MED12L: variants seen among roughly 807,000 people sequenced by gnomAD.
MED12L encodes the protein mediator complex subunit 12L, also known as mediator of RNA polymerase II transcription subunit 12-like protein.
A neutral mutation model predicts 281.3 loss-of-function variants in MED12L; 60 were observed. The observed-to-expected ratio is 0.21, with a 90% CI of 0.17 to 0.26. MED12L has a LOEUF of 0.26. MED12L is among the 10% of genes least tolerant of loss of function. The probability of loss-of-function intolerance (pLI) is 1.00; values close to 1 mark genes in which losing one functional copy is unlikely to be tolerated. For missense variants in MED12L, 2,146 were observed against 2,680.9 expected (o/e 0.80, Z 4.41); for synonymous variants, 974 against 987.2 (o/e 0.99, Z 0.25).
intron 11 of MED12L, among the ~76,000 whole-genome samples, chr3:151,182,605 G>A (rs993453296): frequency 1.3e-5 from 2 of 152,108 alleles, no homozygotes; most frequent in African/African-American, 4.8e-5. Flanking sequence ...CAACACTGAG[G>A]CCCGAGGTGG....
chr3:151,248,619 G>A (rs570187403), intron 16 of MED12L, among the ~76,000 whole-genome samples: 3 of 151,986 alleles, frequency 2.0e-5, no homozygotes, highest in Non-Finnish European at 4.4e-5. Flanking sequence ...ATTTCCTAAT[G>A]CCTAATGTAC....
rs140782023 is a variant in MED12L at position 151,305,885 on chromosome 3, C to T, written c.2251-44174C>T. Among the ~76,000 whole-genome samples the T allele has an allele frequency of 3.0e-3, 464 of 152,218 alleles. 3 individuals carry two copies. Among genetic ancestry groups the T allele is most frequent in the African/African-American group, 0.011 (444 of 41,538 alleles). The stretch of plus-strand genomic sequence containing the variant: ...ACATCAGGAAATTTCACATAAGAAT[C>T]CAGATTTGGAACCCATTTTGAAAGA... On this transcript the variant is annotated intron_variant, in intron 16 of 44. Transcript: ENST00000687756.
intron 16 of MED12L, chr3:151,329,501 C>T (rs770903652): frequency 1.3e-6 from 2 of 1,547,656 alleles, no homozygotes; most frequent in Non-Finnish European, 8.7e-7. Context: ...ATACTCAGTT[C>T]TCTCTGTCTT....
intron 26 of MED12L, among the ~76,000 whole-genome samples, chr3:151,371,360 T>C (rs1356451003): frequency 1.3e-5 from 2 of 152,230 alleles, no homozygotes; most frequent in East Asian, 3.8e-4. Flanking sequence ...ATACTACATT[T>C]TGGTACTTGC....
rs1714729958 is a variant in MED12L, at chr3:151,394,699, C to T, written c.5652C>T (p.Asn1884=). Residue 1884 remains asparagine (N), a synonymous_variant, in exon 39 of 45, where the codon AAC becomes AAT. Transcript: ENST00000687756. ...LDPAGSFVPT[N]TKQALSNMLQ... ...CTGCAGGCTCCTTTGTCCCAACCAACACCAAACAAGCTCTGTCAAACATGC... is the reference window on the plus strand; with the variant it reads ...CTGCAGGCTCCTTTGTCCCAACCAATACCAAACAAGCTCTGTCAAACATGC... 1.2e-6 allele frequency: 2 copies of T among 1,614,176 alleles called. No homozygotes were observed. Among genetic ancestry groups the T allele is most frequent in the African/African-American group, 2.7e-5 (2 of 74,960 alleles).
In MED12L at chr3:151,193,843, G is replaced by C; in HGVS notation, c.2250+177G>C. The stretch of plus-strand genomic sequence containing the variant: ...TTAAGCTTATGTACTGAGGTTGTCC[G>C]AATTTGTAGTGATATTAGTGGCTAA... On this transcript the variant is annotated intron_variant, in intron 16 of 44. Coordinates refer to ENST00000687756, the MANE Select transcript of MED12L (RefSeq NM_001393769.1). The C allele has an allele frequency of 8.3e-6, 4 of 482,340 alleles. No individual in the cohort carries two copies. In the South Asian group the frequency reaches 2.3e-4, roughly 27 times the overall value. The allele number at this position is 482,340 out of a possible 1,614,324, so 29.9% of individuals were successfully genotyped here. A position where few individuals can be genotyped will look rare whatever the true frequency, so the allele number is the denominator to read the frequency against.
chr3:151,349,558 A>G (rs1220633027), intron 16 of MED12L, among the ~76,000 whole-genome samples: 1 of 152,092 alleles, frequency 6.6e-6, no homozygotes, highest in African/African-American at 2.4e-5. Flanking sequence ...CACTGGGATT[A>G]CAGACAGGAG....
chr3:151,249,129 T>A (rs773277561), intron 16 of MED12L: 1 of 152,212 alleles, frequency 6.6e-6, no homozygotes, highest in Non-Finnish European at 1.5e-5. Context: ...AAGTTGGACC[T>A]GATTTGGATT....
chr3:151,344,129 A>G (rs1388289358), intron 16 of MED12L, among the ~76,000 whole-genome samples: 1 of 152,006 alleles, frequency 6.6e-6, no homozygotes, highest in Non-Finnish European at 1.5e-5. Context: ...TAGTTATCTG[A>G]CATCCCAGTC....
intron 16 of MED12L, among the ~76,000 whole-genome samples, chr3:151,308,797 C>T (rs527600196): frequency 6.6e-6 from 1 of 152,202 alleles, no homozygotes; most frequent in African/African-American, 2.4e-5. Context: ...TTCTCCAGAC[C>T]TTTCCATTAG....
chr3:151,317,252 A>G (rs924520896), intron 16 of MED12L, among the ~76,000 whole-genome samples: 3 of 151,454 alleles, frequency 2.0e-5, no homozygotes, highest in Non-Finnish European at 4.4e-5. Flanking sequence ...ATCTGTAGAC[A>G]TATTTTTACA....
Position 151,159,851 on chromosome 3 carries a change from A to G in MED12L, c.857A>G (p.Gln286Arg), listed in dbSNP as rs1719755446. Reference sequence around the variant, plus strand: ...TCTCAGTATTCAGATGAGTTTGTTCAGTCGGCCTACCTGTCTCGTCGTCTT... The same window carrying G: ...TCTCAGTATTCAGATGAGTTTGTTCGGTCGGCCTACCTGTCTCGTCGTCTT... ...LMLQYSDEFV[Q>R]SAYLSRRLAY... The change falls in exon 8 of 45, where the codon CAG (glutamine) becomes CGG (arginine). Residue 286 changes from glutamine (Q) to arginine (R), a missense_variant. Around this residue, in one of 9 missense-constraint regions of MED12L, gnomAD observed 722 missense variants for 861.2 expected, o/e 0.84. Transcript: ENST00000687756. 6.2e-7 allele frequency: 1 copy of G among 1,613,914 alleles called. No individual in the cohort carries two copies. The highest frequency in any genetic ancestry group is 8.5e-7 in the Non-Finnish European group (1 of 1,179,926).
At chr3:151,389,627 A>G (rs900012331) in intron 37 of MED12L, among the ~76,000 whole-genome samples, 1 of 152,218 alleles carries the variant, frequency 6.6e-6, no homozygotes, top group Admixed American at 6.5e-5. Flanking sequence ...AAGGCCTTCT[A>G]AGATGAAATG....
chr3:151,222,776 C>T (rs1729638897), intron 16 of MED12L, among the ~76,000 whole-genome samples: 2 of 152,048 alleles, frequency 1.3e-5, no homozygotes, highest in Admixed American at 6.5e-5. Flanking sequence ...TCATTTTTTT[C>T]CCCCAGATCC....
At chr3:151,159,569 C>A (rs932348017) in intron 7 of MED12L, among the ~76,000 whole-genome samples, 6 of 152,096 alleles carry the variant, frequency 3.9e-5, no homozygotes, top group African/African-American at 1.4e-4. Context: ...ATGTTGATTA[C>A]CTGTTGAAAT....
intron 16 of MED12L, chr3:151,328,555 G>A: frequency 6.2e-7 from 1 of 1,613,750 alleles, no homozygotes. Context: ...AAAAGAACCA[G>A]ATGAAGATTG....
chr3:151,150,230 C>T (rs1408334559), intron 5 of MED12L, among the ~76,000 whole-genome samples: 6 of 152,192 alleles, frequency 3.9e-5, no homozygotes, highest in African/African-American at 2.4e-5. Flanking sequence ...ATTACTTGAT[C>T]ATGGGCTACA....
intron 16 of MED12L, among the ~76,000 whole-genome samples, chr3:151,255,333 T>A (rs1057401433): frequency 2.0e-5 from 3 of 152,142 alleles, no homozygotes; most frequent in Admixed American, 2.0e-4. Context: ...CTTAAATATC[T>A]ACCTTAGCTT....
At chr3:151,234,319 T>A (rs1356628952) in intron 16 of MED12L, among the ~76,000 whole-genome samples, 1 of 152,234 alleles carries the variant, frequency 6.6e-6, no homozygotes, top group Non-Finnish European at 1.5e-5. Context: ...TAATCCTGTT[T>A]TATACTGGAG....
Sources: allele counts gnomAD v4.1 joint callset (sites outside exome capture counted in the v4.1 genomes callset), GRCh38; gene constraint gnomAD v4.1.1; regional missense constraint gnomAD v4.1.1; transcripts MANE v1.5; gene names NCBI Gene and HGNC (gene_info 2026-07-23, HGNC 2026-07-21).